CAMK4: variants seen among roughly 807,000 people sequenced by gnomAD.
CAMK4 encodes calcium/calmodulin dependent protein kinase IV.
Under a neutral mutation model 44.9 loss-of-function variants are expected in CAMK4, and 22 were observed. The observed-to-expected ratio is 0.49, with a 90% CI of 0.35 to 0.70. The LOEUF (loss-of-function observed/expected upper bound fraction) is 0.70. Ranked by LOEUF, CAMK4 falls within the 30% of genes least tolerant of loss-of-function variation. The pLI, the probability that CAMK4 is intolerant of heterozygous loss-of-function variation, is 0.01. For synonymous variants in CAMK4, 218 were observed against 215.4 expected (o/e 1.01, Z -0.11); for missense variants, 498 against 586.8 (o/e 0.85, Z 1.56).
intron 7 of CAMK4, among the ~76,000 whole-genome samples, chr5:111,461,047 G>A (rs1297639173): frequency 1.3e-5 from 2 of 152,162 alleles, no homozygotes; most frequent in East Asian, 3.8e-4. Flanking sequence ...TGAAAAACAT[G>A]AAGTGGGAGT....
chr5:111,270,828 A>G (rs553779019), intron 1 of CAMK4, among the ~76,000 whole-genome samples: 61 of 152,344 alleles, frequency 4.0e-4, no homozygotes, highest in South Asian at 1.7e-3. Context: ...GAATGAGTGT[A>G]TTAGACCATT....
Position 111,224,496 on chromosome 5 carries a change from A to T in CAMK4, c.13A>T (p.Thr5Ser). The T allele has an allele frequency of 5.0e-6, 8 of 1,605,284 alleles. No individual in the cohort carries two copies. The highest frequency in any genetic ancestry group is 2.0e-4 in the Middle Eastern group (1 of 4,938). The change falls in exon 1 of 11, where the codon ACG (threonine) becomes TCG (serine). Residue 5 changes from threonine (T) to serine (S), a missense_variant. Physicochemically the swap from Thr to Ser is moderately conservative, Grantham distance 58 (BLOSUM62 1). Transcript: ENST00000282356. The surrounding 1 kb of genome is among the most constrained non-coding windows in gnomAD (Gnocchi z 5.7). ...TCCCGCTGCGAAGATGCTCAAAGTC[A>T]CGGTGCCCTCCTGCTCCGCCTCGTC... MLKV[T>S]VPSCSASSCS...
At chr5:111,231,046 G>C (rs1421242951) in intron 1 of CAMK4, among the ~76,000 whole-genome samples, 3 of 152,048 alleles carry the variant, frequency 2.0e-5, no homozygotes, top group African/African-American at 7.2e-5. Flanking sequence ...CAGTTTTCTT[G>C]ATCTATTTGT....
chr5:111,416,363 T>G (rs1386530995), intron 5 of CAMK4: 1 of 152,176 alleles, frequency 6.6e-6, no homozygotes, highest in Non-Finnish European at 1.5e-5. Context: ...CATTTTAGAA[T>G]CTTCCACATC....
intron 5 of CAMK4, among the ~76,000 whole-genome samples, chr5:111,438,873 T>C (rs1219829647): frequency 1.3e-5 from 2 of 152,214 alleles, no homozygotes; most frequent in African/African-American, 4.8e-5. Context: ...GTTGCCAACA[T>C]TTAAAATTTG....
At chr5:111,392,700 A>C (rs11948013) in intron 4 of CAMK4, among the ~76,000 whole-genome samples, 4,954 of 152,258 alleles carry the variant, frequency 0.033, 280 homozygotes, top group African/African-American at 0.11. Flanking sequence ...AGGAAATGGA[A>C]TATGAACATA....
chr5:111,435,968 T>C (rs886470723), intron 5 of CAMK4, among the ~76,000 whole-genome samples: 6 of 152,216 alleles, frequency 3.9e-5, no homozygotes, highest in African/African-American at 1.4e-4. Flanking sequence ...ACATAAATTG[T>C]TCCAGTTTTC....
chr5:111,389,229 A>G (rs1373063351), intron 4 of CAMK4, among the ~76,000 whole-genome samples: 1 of 152,122 alleles, frequency 6.6e-6, no homozygotes, highest in African/African-American at 2.4e-5. Context: ...TGTCTTTTAT[A>G]AAGGCATGAA....
chr5:111,287,516 T>C (rs1751286037), intron 1 of CAMK4, among the ~76,000 whole-genome samples: 1 of 152,230 alleles, frequency 6.6e-6, no homozygotes, highest in African/African-American at 2.4e-5. Flanking sequence ...TAAAGAATTA[T>C]TTGATTTTAA....
At chr5:111,473,460 A>C in intron 8 of CAMK4, 74 bp downstream of exon 8, 1 of 905,312 alleles carries the variant, frequency 1.1e-6, no homozygotes, top group Non-Finnish European at 1.8e-6. Flanking sequence ...TCTAATGCTC[A>C]TAAAAACCAT....
intron 2 of CAMK4, among the ~76,000 whole-genome samples, chr5:111,350,296 C>G (rs1017383960): frequency 2.0e-5 from 3 of 151,946 alleles, no homozygotes; most frequent in African/African-American, 7.2e-5. Context: ...CATAAGAGTA[C>G]CAGTTCATTC....
intron 5 of CAMK4, among the ~76,000 whole-genome samples, chr5:111,415,543 G>A (rs2112904269): frequency 6.6e-6 from 1 of 152,264 alleles, no homozygotes; most frequent in South Asian, 2.1e-4. Context: ...ATATGTTCTA[G>A]CCACAAAATT....
intron 7 of CAMK4, among the ~76,000 whole-genome samples, chr5:111,460,030 G>A (rs1754585144): frequency 6.6e-6 from 1 of 152,006 alleles, no homozygotes; most frequent in African/African-American, 2.4e-5. Flanking sequence ...ATGATGGGAG[G>A]AAAAGAGGTC....
chr5:111,395,188 C>T (rs1214336785), intron 5 of CAMK4, among the ~76,000 whole-genome samples: 3 of 115,962 alleles, frequency 2.6e-5, no homozygotes, highest in Admixed American at 1.3e-4. Flanking sequence ...CAAGCCTGGA[C>T]GAGAGAGAGA....
chr5:111,251,842 A>G (rs1215052672), intron 1 of CAMK4, among the ~76,000 whole-genome samples: 2 of 152,044 alleles, frequency 1.3e-5, no homozygotes, highest in African/African-American at 4.8e-5. Context: ...TTTCCATCTC[A>G]CGTAATGTTA....
chr5:111,316,889 G>A (rs1453567874), intron 1 of CAMK4, among the ~76,000 whole-genome samples: 2 of 152,062 alleles, frequency 1.3e-5, no homozygotes, highest in Admixed American at 6.6e-5. Flanking sequence ...ACCAGAACAC[G>A]AAGTGAAGAC....
At chr5:111,406,143 C>A (rs1752417856) in intron 5 of CAMK4, among the ~76,000 whole-genome samples, 1 of 147,594 alleles carries the variant, frequency 6.8e-6, no homozygotes, top group African/African-American at 2.5e-5. Flanking sequence ...TCTAGTAGTT[C>A]CTCTGATTAC....
chr5:111,397,375 T>G (rs1046469261), intron 5 of CAMK4, among the ~76,000 whole-genome samples: 15 of 152,188 alleles, frequency 9.9e-5, no homozygotes, highest in African/African-American at 2.7e-4. Context: ...AACTTCATAC[T>G]CAGCACATTC....
chr5:111,299,219 C>T (rs1394374651), intron 1 of CAMK4, among the ~76,000 whole-genome samples: 2 of 152,240 alleles, frequency 1.3e-5, no homozygotes, highest in East Asian at 3.8e-4. Context: ...AGGCTCACAA[C>T]TCCACACATT....
Sources: allele counts gnomAD v4.1 joint callset (sites outside exome capture counted in the v4.1 genomes callset), GRCh38; gene constraint gnomAD v4.1.1; non-coding constraint Gnocchi (gnomAD v3.1); transcripts MANE v1.5; gene names NCBI Gene and HGNC (gene_info 2026-07-23, HGNC 2026-07-21).